Variants in MTUS2 observed in about 807,000 individuals in gnomAD.
MTUS2 encodes the protein microtubule associated scaffold protein 2, also known as microtubule-associated tumor suppressor candidate 2.
MTUS2 carries 40 observed loss-of-function variants against 114.1 expected under a neutral mutation model. The ratio of observed to expected loss-of-function variants is 0.35; its 90% confidence interval spans 0.27 to 0.46. MTUS2 has a LOEUF of 0.46. Among genes scored for constraint, MTUS2 ranks in the 20% least tolerant of loss-of-function variants. The probability of loss-of-function intolerance (pLI) is 1.00; values close to 1 mark genes in which losing one functional copy is unlikely to be tolerated. For missense variants in MTUS2, 1,679 were observed against 1,705.4 expected (o/e 0.98, Z 0.27); for synonymous variants, 688 against 672.0 (o/e 1.02, Z -0.37).
chr13:29,031,373 A>G (rs1469746246), intron 3 of MTUS2, among the ~76,000 whole-genome samples: 1 of 152,016 alleles, frequency 6.6e-6, no homozygotes, highest in East Asian at 1.9e-4. Context: ...ACAGATATAG[A>G]TGTATATATA....
chr13:29,026,681 G>C lies in MTUS2; in HGVS notation c.1983G>C (p.Ser661=). The C allele has an allele frequency of 1.9e-6, 3 of 1,613,942 alleles. No homozygotes were observed. Among genetic ancestry groups the C allele is most frequent in the Non-Finnish European group, 2.5e-6 (3 of 1,179,868 alleles). Residue 661 remains serine, a synonymous_variant, in exon 3 of 16, where the codon TCG becomes TCC. Transcript: ENST00000612955. The part of the protein sequence containing the change: ...NPQALGQVDA[S]LVPVGLPYAP... ...AGGCCCTGGGCCAGGTGGACGCCTCGCTGGTTCCAGTGGGGCTTCCATATG... is the reference window on the plus strand; with the variant it reads ...AGGCCCTGGGCCAGGTGGACGCCTCCCTGGTTCCAGTGGGGCTTCCATATG...
chr13:28,829,034 C>T (rs1374527273), intron 1 of MTUS2, among the ~76,000 whole-genome samples: 2 of 152,014 alleles, frequency 1.3e-5, no homozygotes, highest in Non-Finnish European at 2.9e-5. Flanking sequence ...CTCTCCTGCA[C>T]AATAACAATG....
chr13:29,164,256 C>T (rs561484422), intron 5 of MTUS2, among the ~76,000 whole-genome samples: 4 of 152,338 alleles, frequency 2.6e-5, no homozygotes, highest in East Asian at 1.9e-4. Flanking sequence ...GCTCCCTTCT[C>T]GCTCTGCCTT....
chr13:29,180,727 A>G (rs1386063734), intron 5 of MTUS2, among the ~76,000 whole-genome samples: 2 of 152,214 alleles, frequency 1.3e-5, no homozygotes, highest in Non-Finnish European at 2.9e-5. Flanking sequence ...TGGTTCAGTC[A>G]TTAATGAACA....
chr13:29,081,095 A>G (rs911659932), intron 4 of MTUS2, among the ~76,000 whole-genome samples: 1 of 152,158 alleles, frequency 6.6e-6, no homozygotes, highest in Non-Finnish European at 1.5e-5. Flanking sequence ...TCTCAAGCAG[A>G]TTGAAAATGT....
intron 5 of MTUS2, among the ~76,000 whole-genome samples, chr13:29,101,809 AAGAG>A (rs138490009): frequency 6.6e-6 from 1 of 151,890 alleles, no homozygotes; most frequent in African/African-American, 2.4e-5. Flanking sequence ...AATAATTCGA[AAGAG>A]AGAGAGAGAG....
At chr13:29,361,023 A>G (rs4441118) in intron 8 of MTUS2, among the ~76,000 whole-genome samples, 143,671 of 152,228 alleles carry the variant, frequency 0.94, 68,230 homozygotes, top group East Asian at 1. Flanking sequence ...AGAAGTTGGA[A>G]CTTTTAGGCC....
chr13:29,308,086 C>G (rs913434599), intron 6 of MTUS2, among the ~76,000 whole-genome samples: 13 of 152,224 alleles, frequency 8.5e-5, no homozygotes, highest in Non-Finnish European at 1.9e-4. Flanking sequence ...AAAAAAGATC[C>G]TGAATAGCCA....
intron 5 of MTUS2, among the ~76,000 whole-genome samples, chr13:29,217,711 A>G (rs887175437): frequency 6.6e-6 from 1 of 152,236 alleles, no homozygotes; most frequent in Non-Finnish European, 1.5e-5. Context: ...ATGCTGTTTG[A>G]TAGCATTTTA....
chr13:28,995,447 G>A (rs1234710264), intron 2 of MTUS2, among the ~76,000 whole-genome samples: 7 of 152,156 alleles, frequency 4.6e-5, no homozygotes, highest in African/African-American at 1.4e-4. Context: ...AAAGTCATTG[G>A]TAGATTGATG....
intron 8 of MTUS2, among the ~76,000 whole-genome samples, chr13:29,379,229 A>G (rs1192890642): frequency 6.6e-6 from 1 of 152,196 alleles, no homozygotes; most frequent in East Asian, 1.9e-4. Flanking sequence ...GTTGGTGATT[A>G]TGGACTTCAT....
At chr13:29,277,148 A>G (rs932585887) in intron 5 of MTUS2, among the ~76,000 whole-genome samples, 4 of 152,118 alleles carry the variant, frequency 2.6e-5, no homozygotes, top group African/African-American at 9.7e-5. Flanking sequence ...ATCCTCATAA[A>G]TGTTGATCCC....
At chr13:29,489,575 AT>A (rs979473840) in intron 11 of MTUS2, 7 of 152,208 alleles carry the variant, frequency 4.6e-5, no homozygotes, top group African/African-American at 1.7e-4. Context: ...TCGGCTACAC[AT>A]TGGAACCACC....
At chr13:28,938,429 AGAATATATATAG>A (rs1288809310) in intron 2 of MTUS2, among the ~76,000 whole-genome samples, 1 of 152,176 alleles carries the variant, frequency 6.6e-6, no homozygotes, top group Non-Finnish European at 1.5e-5. Context: ...TTGCTAAAAA[AGAATATATATAG>A]TCTTATGATT....
At chr13:29,079,301 A>G (rs1330082188) in intron 4 of MTUS2, among the ~76,000 whole-genome samples, 2 of 152,172 alleles carry the variant, frequency 1.3e-5, no homozygotes, top group Non-Finnish European at 2.9e-5. Flanking sequence ...GTGTTGGAAT[A>G]GGTATTTATA....
chr13:29,425,843 A>C (rs914136309), intron 8 of MTUS2, among the ~76,000 whole-genome samples: 10 of 152,172 alleles, frequency 6.6e-5, no homozygotes, highest in African/African-American at 2.4e-4. Context: ...GAGAAGCTGA[A>C]AATGGCCTCT....
chr13:29,013,100 G>C (rs902748274), intron 2 of MTUS2, among the ~76,000 whole-genome samples: 1 of 152,208 alleles, frequency 6.6e-6, no homozygotes, highest in Non-Finnish European at 1.5e-5. Context: ...GGTGCCAGTT[G>C]AAATGCCTAT....
At chr13:29,351,156 G>A (rs1157400846) in intron 7 of MTUS2, among the ~76,000 whole-genome samples, 4 of 151,932 alleles carry the variant, frequency 2.6e-5, no homozygotes, top group African/African-American at 9.7e-5. Context: ...GGGAGGGACA[G>A]TTTTTCTTTT....
chr13:29,133,715 A>G (rs376777426), intron 5 of MTUS2, among the ~76,000 whole-genome samples: 2 of 152,198 alleles, frequency 1.3e-5, no homozygotes, highest in African/African-American at 2.4e-5. Context: ...CTGTATGTCT[A>G]TCTTTTTGCA....
Sources: allele counts gnomAD v4.1 joint callset (sites outside exome capture counted in the v4.1 genomes callset), GRCh38; gene constraint gnomAD v4.1.1; transcripts MANE v1.5; gene names NCBI Gene and HGNC (gene_info 2026-07-23, HGNC 2026-07-21).